The following CYP7B1 variants were observed in gnomAD, a reference collection of about 807,000 sequenced individuals.
CYP7B1 encodes cytochrome P450 7B1.
A neutral mutation model predicts 42.7 loss-of-function variants in CYP7B1; 29 were observed. That is an observed-to-expected ratio of 0.68 (90% CI 0.51 to 0.93). The LOEUF is 0.93. Ranked by LOEUF, CYP7B1 falls within the 40% of genes least tolerant of loss-of-function variation. CYP7B1 has a pLI of 0.00. For synonymous variants in CYP7B1, 235 were observed against 218.2 expected, an observed-to-expected ratio of 1.08 and a Z score of -0.68; for missense variants, 655 against 600.5, an observed-to-expected ratio of 1.09 and a Z score of -0.95.
intron 1 of CYP7B1, among the ~76,000 whole-genome samples, chr8:64,666,093 T>G (rs1249030188): frequency 1.3e-5 from 2 of 152,248 alleles, no homozygotes; most frequent in African/African-American, 2.4e-5. Context: ...TGTTTCTAAG[T>G]ATTGGCACTA....
At chr8:64,686,041 G>A (rs1585855194) in intron 1 of CYP7B1, among the ~76,000 whole-genome samples, 1 of 124,986 alleles carries the variant, frequency 8.0e-6, no homozygotes. Context: ...ACCCCGTCCG[G>A]GAGGGAGATG....
At chr8:64,703,520 C>G (rs2129632502) in intron 1 of CYP7B1, among the ~76,000 whole-genome samples, 1 of 152,054 alleles carries the variant, frequency 6.6e-6, no homozygotes, top group African/African-American at 2.4e-5. Flanking sequence ...CCATCAGGAC[C>G]AGTTCCTTGT....
At chr8:64,763,233 C>T (rs978137005) in intron 1 of CYP7B1, among the ~76,000 whole-genome samples, 13 of 152,184 alleles carry the variant, frequency 8.5e-5, no homozygotes, top group Admixed American at 7.9e-4. Flanking sequence ...AGCTAAGTGC[C>T]TGGGTTCGTC....
intron 1 of CYP7B1, among the ~76,000 whole-genome samples, chr8:64,671,119 G>T (rs1806361225): frequency 6.6e-6 from 1 of 152,058 alleles, no homozygotes; most frequent in African/African-American, 2.4e-5. Flanking sequence ...GTGCAGAAAT[G>T]AGGATATGAA....
At chr8:64,786,005 AG>A (rs879749310) in intron 1 of CYP7B1, among the ~76,000 whole-genome samples, 4 of 152,148 alleles carry the variant, frequency 2.6e-5, no homozygotes, top group Non-Finnish European at 5.9e-5. Context: ...ATATCTCATG[AG>A]AACTCACACA....
intron 2 of CYP7B1, among the ~76,000 whole-genome samples, chr8:64,617,299 C>G (rs1356395327): frequency 6.6e-6 from 1 of 152,162 alleles, no homozygotes. Flanking sequence ...TCAAGTGATT[C>G]TTATAAGGAT....
intron 1 of CYP7B1, among the ~76,000 whole-genome samples, chr8:64,763,240 C>T (rs923910476): frequency 6.6e-6 from 1 of 152,312 alleles, no homozygotes; most frequent in East Asian, 1.9e-4. Flanking sequence ...TGCCTGGGTT[C>T]GTCCTAATCG....
chr8:64,608,401 G>T (rs2129630012), intron 4 of CYP7B1, among the ~76,000 whole-genome samples: 2 of 152,294 alleles, frequency 1.3e-5, no homozygotes, highest in South Asian at 4.1e-4. Context: ...CTTAGGCCCT[G>T]TCTGTATATG....
intron 1 of CYP7B1, chr8:64,734,329 A>C (rs985876865): frequency 6.6e-6 from 1 of 152,184 alleles, no homozygotes; most frequent in Non-Finnish European, 1.5e-5. Context: ...AAAGTACAGA[A>C]ATTAATTTTC....
intron 1 of CYP7B1, among the ~76,000 whole-genome samples, chr8:64,730,218 T>C (rs1408796877): frequency 6.6e-6 from 1 of 151,936 alleles, no homozygotes; most frequent in Middle Eastern, 3.2e-3. Flanking sequence ...CATGCCACCA[T>C]GTCCGGCTAA....
At chr8:64,770,931 T>G in intron 1 of CYP7B1, among the ~76,000 whole-genome samples, 1 of 152,012 alleles carries the variant, frequency 6.6e-6, no homozygotes. Context: ...AGCTGTCACT[T>G]AAGAACTTAG....
intron 1 of CYP7B1, among the ~76,000 whole-genome samples, chr8:64,797,890 T>C (rs1353363163): frequency 6.6e-6 from 1 of 152,236 alleles, no homozygotes; most frequent in Non-Finnish European, 1.5e-5. Flanking sequence ...ATTGTGTGTT[T>C]TGTTTTGTCC....
downstream of CYP7B1, among the ~76,000 whole-genome samples, chr8:64,590,426 T>A (rs1191631824): frequency 6.6e-6 from 1 of 152,200 alleles, no homozygotes; most frequent in Non-Finnish European, 1.5e-5. Context: ...TGTCCAAATA[T>A]TACCCAGCTT....
Position 64,798,647 on chromosome 8 carries a change from C to A in CYP7B1, c.-60G>T. On this transcript the variant is annotated 5_prime_UTR_variant, in exon 1 of 6. Transcript: ENST00000310193. The stretch of plus-strand genomic sequence containing the variant: ...GTCTGCCTGCGAACAGCGCGGTCGG[C>A]GACTCTGCAGCCTGCGGCGGCTTCT... 1 of 1,433,218 alleles carries A rather than the reference C, an allele frequency of 7.0e-7. No homozygotes were observed. The highest frequency in any genetic ancestry group is 9.1e-7 in the Non-Finnish European group (1 of 1,101,642). The allele number at this position is 1,433,218 out of a possible 1,614,324, so 88.8% of individuals were successfully genotyped here. A position where few individuals can be genotyped will look rare whatever the true frequency, so the allele number is the denominator to read the frequency against.
At chr8:64,673,659 T>C (rs748279226) in intron 1 of CYP7B1, among the ~76,000 whole-genome samples, 4 of 152,132 alleles carry the variant, frequency 2.6e-5, no homozygotes, top group Non-Finnish European at 5.9e-5. Flanking sequence ...TTCTATTAAT[T>C]GTTTGTTCTT....
At chr8:64,598,633 T>C (rs963853331) in intron 5 of CYP7B1, among the ~76,000 whole-genome samples, 2 of 152,146 alleles carry the variant, frequency 1.3e-5, no homozygotes, top group African/African-American at 4.8e-5. Flanking sequence ...GGTTTTCTGG[T>C]TCCTCTTTGT....
intron 1 of CYP7B1, among the ~76,000 whole-genome samples, chr8:64,702,696 A>G (rs1436820657): frequency 2.6e-5 from 4 of 152,056 alleles, no homozygotes; most frequent in African/African-American, 7.2e-5. Context: ...GGTGGTGCTG[A>G]TAACTGTTCA....
chr8:64,644,361 T>G (rs775684772), intron 1 of CYP7B1, among the ~76,000 whole-genome samples: 1 of 152,192 alleles, frequency 6.6e-6, no homozygotes, highest in Non-Finnish European at 1.5e-5. Flanking sequence ...ACAAATGCTC[T>G]TAATGGCATC....
In CYP7B1 at chr8:64,641,084, C is replaced by T. The variant is rs146085563; in HGVS notation, c.123-16545G>A. Among the ~76,000 whole-genome samples, 1,133 of 152,172 alleles carry T rather than the reference C, an allele frequency of 7.4e-3. 13 individuals are homozygous for T. Among genetic ancestry groups the T allele is most frequent in the Middle Eastern group, 0.014 (4 of 294 alleles). ...TAAACTATAGTGCAATAAACTTGTA[C>T]GAACAAAAATCTAATTTCCATATTC... On this transcript the variant is annotated intron_variant, in intron 1 of 5. Coordinates refer to ENST00000310193, the MANE Select transcript of CYP7B1 (RefSeq NM_004820.5).
Sources: allele counts gnomAD v4.1 joint callset (sites outside exome capture counted in the v4.1 genomes callset), GRCh38; gene constraint gnomAD v4.1.1; transcripts MANE v1.5; gene names NCBI Gene and HGNC (gene_info 2026-07-23, HGNC 2026-07-21).